The following CUX1 variants were observed in gnomAD, a reference collection of about 807,000 sequenced individuals.
The protein encoded by CUX1 is cut like homeobox 1.
CUX1 carries 31 observed loss-of-function variants against 158.8 expected under a neutral mutation model. That is an observed-to-expected ratio of 0.20 (90% CI 0.15 to 0.26). CUX1 has a LOEUF of 0.26. Among genes scored for constraint, CUX1 ranks in the 10% least tolerant of loss-of-function variants. The pLI is 1.00. For synonymous variants in CUX1, 879 were observed against 862.1 expected (o/e 1.02, Z -0.34); for missense variants, 1,589 against 2,014.6 (o/e 0.79, Z 4.04).
At chr7:101,968,194 T>C (rs1245298559) in intron 2 of CUX1, among the ~76,000 whole-genome samples, 1 of 151,976 alleles carries the variant, frequency 6.6e-6, no homozygotes, top group African/African-American at 2.4e-5. Context: ...CATGAACCAC[T>C]GCACCTGGTA....
chr7:102,246,573 TG>T (rs1202136293), intron 23 of CUX1, among the ~76,000 whole-genome samples: 4 of 43,944 alleles, frequency 9.1e-5, no homozygotes, highest in East Asian at 1.9e-3. Flanking sequence ...AGAAAACCTT[TG>T]TTTTTTTTTT....
Position 101,817,810 on chromosome 7 carries a change from C to A in CUX1, c.30+141C>A, listed in dbSNP as rs545246449. ...GAGGGGATAGGAGGGTTCCTCAGGG[C>A]CCCTGGGGAACTGCAGCTACTCCCA... On this transcript the variant is annotated intron_variant, in intron 1 of 23. Transcript: ENST00000292535. This position sits in a 1 kb window ranked among gnomAD's most constrained non-coding sequence, Gnocchi z 4.1. The A allele has an allele frequency of 1.0e-4, 102 of 990,534 alleles. No homozygotes were observed. The South Asian group carries it at 1.6e-3, about 16-fold the overall frequency. 61.4% of individuals were successfully genotyped at this position (990,534 alleles called of 1,614,324 possible).
chr7:102,275,412 G>A, intron 17 of CUX1: 4 of 1,415,278 alleles, frequency 2.8e-6, no homozygotes, highest in Non-Finnish European at 3.9e-6. Context: ...GACACAGTTG[G>A]GGAACACACA....
rs566260812 is a variant in CUX1 at position 102,144,711 on chromosome 7, T to G, written c.675-13849T>G. ...CAGTAAAAATAATAATCATAATAATTTTTTAATATGATCAGGTAAATCTAG... is the reference window on the plus strand; with the variant it reads ...CAGTAAAAATAATAATCATAATAATGTTTTAATATGATCAGGTAAATCTAG... On this transcript the variant is annotated intron_variant, in intron 8 of 23. Coordinates refer to ENST00000292535, the MANE Select transcript of CUX1 (RefSeq NM_181552.4). Among the ~76,000 whole-genome samples the G allele has an allele frequency of 2.0e-3, 303 of 151,662 alleles. 1 individual carries two copies. Among genetic ancestry groups the G allele is most frequent in the African/African-American group, 7.2e-3 (298 of 41,370 alleles).
At chr7:101,832,415 G>T (rs1794138572) in intron 1 of CUX1, among the ~76,000 whole-genome samples, 1 of 152,202 alleles carries the variant, frequency 6.6e-6, no homozygotes, top group African/African-American at 2.4e-5. Context: ...CATCCAGCGA[G>T]CCCACTGTGT....
intron 2 of CUX1, among the ~76,000 whole-genome samples, chr7:101,979,610 G>A (rs1036578302): frequency 6.6e-6 from 1 of 152,076 alleles, no homozygotes; most frequent in African/African-American, 2.4e-5. Context: ...TTGGTTTGGG[G>A]AAGACAGCTC....
At chr7:101,870,905 G>A (rs1329526953) in intron 1 of CUX1, among the ~76,000 whole-genome samples, 5 of 152,138 alleles carry the variant, frequency 3.3e-5, no homozygotes, top group African/African-American at 1.2e-4. Flanking sequence ...AAGGCGCCTC[G>A]CCTAGTTCCA....
intron 20 of CUX1, among the ~76,000 whole-genome samples, chr7:102,208,747 C>T (rs1313274932): frequency 6.6e-6 from 1 of 152,158 alleles, no homozygotes; most frequent in Non-Finnish European, 1.5e-5. Context: ...ATGGCTACCC[C>T]AGAATCCTTT....
chr7:101,938,857 A>G (rs1807272142), intron 2 of CUX1, among the ~76,000 whole-genome samples: 1 of 151,788 alleles, frequency 6.6e-6, no homozygotes, highest in Non-Finnish European at 1.5e-5. Flanking sequence ...CCTGGCCAAC[A>G]TGGTGATACT....
At chr7:101,935,885 A>C (rs1806863393) in intron 2 of CUX1, among the ~76,000 whole-genome samples, 1 of 152,206 alleles carries the variant, frequency 6.6e-6, no homozygotes, top group African/African-American at 2.4e-5. Flanking sequence ...TACACTCTAC[A>C]GCCTGGCAGC....
At chr7:101,878,658 C>T (rs560502981) in intron 1 of CUX1, among the ~76,000 whole-genome samples, 3 of 151,942 alleles carry the variant, frequency 2.0e-5, no homozygotes, top group East Asian at 1.9e-4. Context: ...GACGCACCAG[C>T]GGCTTACAAG....
At chr7:102,231,620 C>G (rs1799000450) in intron 21 of CUX1, among the ~76,000 whole-genome samples, 1 of 151,948 alleles carries the variant, frequency 6.6e-6, no homozygotes, top group South Asian at 2.1e-4. Context: ...CAAAGAGCAA[C>G]TAGCTATTCA....
intron 3 of CUX1, among the ~76,000 whole-genome samples, chr7:102,056,814 C>T (rs1438517790): frequency 6.6e-6 from 1 of 152,148 alleles, no homozygotes; most frequent in Non-Finnish European, 1.5e-5. Context: ...CGTGATCCGC[C>T]TGCCTCAGCC....
intron 2 of CUX1, among the ~76,000 whole-genome samples, chr7:101,996,330 C>T (rs1163343871): frequency 6.6e-6 from 1 of 152,018 alleles, no homozygotes; most frequent in Non-Finnish European, 1.5e-5. Context: ...CCCCAGAGTC[C>T]GATCCCGTCT....
At chr7:101,818,040 C>T (rs1792072699) in intron 1 of CUX1, among the ~76,000 whole-genome samples, 3 of 152,170 alleles carry the variant, frequency 2.0e-5, no homozygotes, top group Admixed American at 2.0e-4. Flanking sequence ...CTACTAAGAA[C>T]GATAAAGCCG....
At chr7:102,077,363 G>T (rs537120419) in intron 4 of CUX1, among the ~76,000 whole-genome samples, 1 of 151,780 alleles carries the variant, frequency 6.6e-6, no homozygotes, top group African/African-American at 2.4e-5. Context: ...GCAGCCAGAC[G>T]GAGACACTGA....
intron 23 of CUX1, among the ~76,000 whole-genome samples, chr7:102,242,608 T>C (rs1273592758): frequency 6.6e-6 from 1 of 152,200 alleles, no homozygotes; most frequent in African/African-American, 2.4e-5. Flanking sequence ...TTCTATAATA[T>C]AGACACATGC....
downstream of CUX1, among the ~76,000 whole-genome samples, chr7:102,258,626 G>A (rs374820430): frequency 6.6e-6 from 1 of 152,190 alleles, no homozygotes; most frequent in East Asian, 1.9e-4. Context: ...CAGGAATGGT[G>A]GCCAGTGCTG....
upstream of CUX1, among the ~76,000 whole-genome samples, chr7:101,816,556 G>GGCCCGGCGGTGGCGCCCGCC (rs1468157056): frequency 2.1e-5 from 3 of 141,566 alleles, no homozygotes; most frequent in African/African-American, 7.6e-5. Context: ...AGGGGGCCGC[G>GGCCCGGCGGTGGCGCCCGCC]GCCCGGCGGT....
Sources: allele counts gnomAD v4.1 joint callset (sites outside exome capture counted in the v4.1 genomes callset), GRCh38; gene constraint gnomAD v4.1.1; non-coding constraint Gnocchi (gnomAD v3.1); transcripts MANE v1.5; gene names NCBI Gene and HGNC (gene_info 2026-07-23, HGNC 2026-07-21).